SMOC1: variants seen among roughly 807,000 people sequenced by gnomAD.
SMOC1 encodes SPARC-related modular calcium-binding protein 1.
Under a neutral mutation model 56.3 loss-of-function variants are expected in SMOC1, and 22 were observed. That is an observed-to-expected ratio of 0.39 (90% CI 0.28 to 0.56). The LOEUF is 0.56. SMOC1 is among the 20% of genes least tolerant of loss of function. SMOC1 has a pLI of 0.61. For synonymous variants in SMOC1, 193 were observed against 215.0 expected (o/e 0.90, Z 0.89); for missense variants, 509 against 565.4 (o/e 0.90, Z 1.01).
chr14:69,953,471 C>A lies in SMOC1; in HGVS notation c.317C>A (p.Ala106Asp), dbSNP rs768881181. ...GAGCGGGCTCAAGCCCTGGAGCAAG[C>A]CAAGAAGCCTCAGGAAGCTGTGTTT... ...RLERAQALEQ[A>D]KKPQEAVFVP... The change falls in exon 3 of 12, where the codon GCC (alanine) becomes GAC (aspartate). Residue 106 changes from alanine (A) to aspartate (D), a missense_variant. Ala to Asp is a moderately radical substitution (Grantham distance 126). Coordinates refer to ENST00000361956, the MANE Select transcript of SMOC1 (RefSeq NM_001034852.3). The A allele has an allele frequency of 6.2e-7, 1 of 1,614,266 alleles. No individual in the cohort carries two copies. The highest frequency in any genetic ancestry group is 1.1e-5 in the South Asian group (1 of 91,090).
At chr14:69,885,715 A>G (rs878900923) in intron 1 of SMOC1, 43 of 1,450,102 alleles carry the variant, frequency 3.0e-5, no homozygotes, top group South Asian at 1.7e-4. Context: ...AGGTGGTGAC[A>G]GTGTTAACTC....
At chr14:70,030,005 G>A (rs1886080469) in intron 11 of SMOC1, among the ~76,000 whole-genome samples, 1 of 152,172 alleles carries the variant, frequency 6.6e-6, no homozygotes, top group Non-Finnish European at 1.5e-5. Context: ...ACTTATTTCA[G>A]TTGCAGTGGT....
intron 1 of SMOC1, among the ~76,000 whole-genome samples, chr14:69,884,504 G>A (rs1883740391): frequency 6.6e-6 from 1 of 151,954 alleles, no homozygotes; most frequent in Non-Finnish European, 1.5e-5. Flanking sequence ...TGCTTTTGAG[G>A]TCCCCAAACC....
intron 11 of SMOC1, 79 bp downstream of exon 11, chr14:70,023,526 T>A: frequency 1.3e-6 from 2 of 1,585,324 alleles, no homozygotes; most frequent in Non-Finnish European, 1.7e-6. Flanking sequence ...CTCTGATAAA[T>A]GAGATTCCAG....
intron 4 of SMOC1, 118 bp from the exon 5 acceptor site, chr14:69,977,800 A>G (rs1884022000): frequency 1.2e-6 from 1 of 808,550 alleles, no homozygotes; most frequent in Admixed American, 1.8e-5. Flanking sequence ...TTAGATGTGT[A>G]TACAATACAT....
At chr14:69,891,120 A>G (rs1883948749) in intron 1 of SMOC1, among the ~76,000 whole-genome samples, 1 of 152,360 alleles carries the variant, frequency 6.6e-6, no homozygotes, top group African/African-American at 2.4e-5. Flanking sequence ...GCAGAATAAT[A>G]CATAATGCTA....
intron 10 of SMOC1, among the ~76,000 whole-genome samples, chr14:70,014,299 G>A (rs1218512036): frequency 6.6e-6 from 1 of 152,240 alleles, no homozygotes; most frequent in Non-Finnish European, 1.5e-5. Context: ...GAAGAATGGA[G>A]AATGGTTGTC....
At chr14:70,024,135 C>T (rs1054829790) in intron 11 of SMOC1, among the ~76,000 whole-genome samples, 7 of 152,168 alleles carry the variant, frequency 4.6e-5, no homozygotes, top group Admixed American at 3.9e-4. Context: ...ACACACATTC[C>T]TGGTCATAAT....
At chr14:70,028,837 G>A (rs868833682) in intron 11 of SMOC1, among the ~76,000 whole-genome samples, 20 of 152,080 alleles carry the variant, frequency 1.3e-4, no homozygotes, top group Middle Eastern at 3.2e-3. Flanking sequence ...TCCACCCCAC[G>A]CCCACTCCAC....
intron 5 of SMOC1, among the ~76,000 whole-genome samples, chr14:69,988,863 T>TAA (rs1884463141): frequency 6.6e-6 from 1 of 152,234 alleles, no homozygotes; most frequent in East Asian, 1.9e-4. Context: ...TTCATCTACA[T>TAA]TGTCACATGT....
rs1265303514 is a variant in SMOC1, at chr14:69,961,318, A to C, written c.378+7786A>C. On this transcript the variant is annotated intron_variant, in intron 3 of 11. Transcript: ENST00000361956. Reference sequence around the variant, plus strand: ...TATATATATATATATATATATATATATCCTGTTTTATTTATTCATTCATCA... The same window carrying C: ...TATATATATATATATATATATATATCTCCTGTTTTATTTATTCATTCATCA... Among the ~76,000 whole-genome samples the C allele has an allele frequency of 1.0e-4, 12 of 114,374 alleles. No homozygotes were observed. The South Asian group carries it at 1.4e-3, about 13-fold the overall frequency. 75.0% of individuals were successfully genotyped at this position (114,374 alleles called of 152,430 possible).
intron 1 of SMOC1, among the ~76,000 whole-genome samples, chr14:69,920,158 C>T (rs549675662): frequency 1.1e-4 from 16 of 152,078 alleles, no homozygotes; most frequent in Non-Finnish European, 2.1e-4. Context: ...CCCCTGCACT[C>T]GGGACAAAAG....
At chr14:69,953,153 T>A (rs971519163) in intron 2 of SMOC1, among the ~76,000 whole-genome samples, 5 of 151,912 alleles carry the variant, frequency 3.3e-5, no homozygotes, top group African/African-American at 1.2e-4. Context: ...TAAAACATTT[T>A]TTTTTCTATG....
At position 70,011,466 on chromosome 14, in the gene SMOC1, C is replaced by CCCCAAAAAAAA; in HGVS notation, c.858-19_858-18insCCCAAAAAAAA. 6.4e-7 allele frequency: 1 copy of CCCCAAAAAAAA among 1,561,722 alleles called. No homozygotes were observed. The highest frequency in any genetic ancestry group is 8.8e-7 in the Non-Finnish European group (1 of 1,133,454). ...GTTGCCAGCCCCTCCCAACCCCCCC[C>CCCCAAAAAAAA]ATATCTCTCTTTTCCCAGCTACGTG... On this transcript the variant is annotated intron_variant, in intron 8 of 11. Transcript: ENST00000361956.
intron 1 of SMOC1, among the ~76,000 whole-genome samples, chr14:69,927,407 G>A (rs1390412258): frequency 2.0e-5 from 3 of 152,188 alleles, no homozygotes; most frequent in African/African-American, 2.4e-5. Flanking sequence ...GGAGCCGGGC[G>A]TGGTGGCTCA....
chr14:70,007,681 T>G (rs965043792), intron 7 of SMOC1, among the ~76,000 whole-genome samples: 7 of 152,238 alleles, frequency 4.6e-5, no homozygotes, highest in Non-Finnish European at 1.0e-4. Context: ...TTCTCTCTCC[T>G]GGCTGAGTGA....
intron 10 of SMOC1, among the ~76,000 whole-genome samples, chr14:70,018,918 C>T (rs751628762): frequency 7.2e-5 from 11 of 152,322 alleles, no homozygotes; most frequent in African/African-American, 9.6e-5. Context: ...CAACTCCAGA[C>T]GGGGCTCAGT....
intron 1 of SMOC1, among the ~76,000 whole-genome samples, chr14:69,933,845 C>T (rs780629833): frequency 2.6e-5 from 4 of 152,124 alleles, no homozygotes; most frequent in Non-Finnish European, 4.4e-5. Flanking sequence ...ACAAAATATA[C>T]GAACTTTGAC....
intron 3 of SMOC1, among the ~76,000 whole-genome samples, chr14:69,958,714 T>G (rs1345650045): frequency 6.6e-6 from 1 of 152,184 alleles, no homozygotes; most frequent in Non-Finnish European, 1.5e-5. Flanking sequence ...AGGAAGTAAC[T>G]AAAAATATGT....
Sources: allele counts gnomAD v4.1 joint callset (sites outside exome capture counted in the v4.1 genomes callset), GRCh38; gene constraint gnomAD v4.1.1; transcripts MANE v1.5; gene names NCBI Gene and HGNC (gene_info 2026-07-23, HGNC 2026-07-21).